Variants in DENND1A observed in about 807,000 individuals in gnomAD.
The protein encoded by DENND1A is DENN domain containing 1A.
Under a neutral mutation model 113.7 loss-of-function variants are expected in DENND1A, and 51 were observed. The observed-to-expected ratio is 0.45, with a 90% CI of 0.36 to 0.57. The LOEUF is 0.57. Among genes scored for constraint, DENND1A ranks in the 20% least tolerant of loss-of-function variants. DENND1A has a pLI of 0.00. For synonymous variants in DENND1A, 565 were observed against 570.8 expected (o/e 0.99, Z 0.14); for missense variants, 1,258 against 1,395.9 (o/e 0.90, Z 1.57).
chr9:123,751,448 T>C (rs1279749669), intron 5 of DENND1A: 3 of 152,176 alleles, frequency 2.0e-5, no homozygotes, highest in Non-Finnish European at 4.4e-5. Flanking sequence ...CCAGTCTAAA[T>C]CTGGGTGCTA....
chr9:123,432,132 G>A (rs2046179008), intron 19 of DENND1A, among the ~76,000 whole-genome samples: 1 of 152,194 alleles, frequency 6.6e-6, no homozygotes, highest in Non-Finnish European at 1.5e-5. Flanking sequence ...AGGAGGACAC[G>A]CTGAATGCCT....
At chr9:123,637,099 A>T (rs773538728) in intron 9 of DENND1A, among the ~76,000 whole-genome samples, 7 of 152,258 alleles carry the variant, frequency 4.6e-5, no homozygotes, top group Non-Finnish European at 1.0e-4. Flanking sequence ...GAAGACAATC[A>T]GATGGTCACA....
chr9:123,512,047 G>A (rs1350111726), intron 13 of DENND1A, among the ~76,000 whole-genome samples: 1 of 152,212 alleles, frequency 6.6e-6, no homozygotes, highest in East Asian at 1.9e-4. Flanking sequence ...AGGTCACCGT[G>A]TTCCTGGAAA....
intron 5 of DENND1A, among the ~76,000 whole-genome samples, chr9:123,706,615 C>G (rs1484434421): frequency 1.3e-5 from 2 of 150,490 alleles, no homozygotes; most frequent in African/African-American, 4.9e-5. Flanking sequence ...ACTAAAAATA[C>G]AAAAAATTAG....
intron 5 of DENND1A, among the ~76,000 whole-genome samples, chr9:123,731,998 T>C (rs2068211605): frequency 6.6e-6 from 1 of 152,054 alleles, no homozygotes; most frequent in South Asian, 2.1e-4. Context: ...AAAACGCAAA[T>C]TAAAAAATCA....
At chr9:123,834,033 C>A (rs768724127) in intron 2 of DENND1A, among the ~76,000 whole-genome samples, 3 of 151,910 alleles carry the variant, frequency 2.0e-5, no homozygotes, top group Non-Finnish European at 4.4e-5. Context: ...TCCAGCCTGG[C>A]GAAAGAGCAA....
chr9:123,461,124 T>A (rs2048490075), intron 13 of DENND1A, among the ~76,000 whole-genome samples: 2 of 152,174 alleles, frequency 1.3e-5, no homozygotes, highest in African/African-American at 4.8e-5. Flanking sequence ...ACACACCACA[T>A]CCTTCCTTCC....
chr9:123,469,038 C>T (rs1226935876), intron 13 of DENND1A, among the ~76,000 whole-genome samples: 17 of 152,206 alleles, frequency 1.1e-4, no homozygotes, highest in Admixed American at 1.0e-3. Context: ...CTCAGAGGGC[C>T]TGGGTTACCA....
At chr9:123,706,424 C>T (rs984207047) in intron 5 of DENND1A, among the ~76,000 whole-genome samples, 1 of 151,654 alleles carries the variant, frequency 6.6e-6, no homozygotes. Flanking sequence ...TATTTTTCAA[C>T]ATAAGATATG....
intron 11 of DENND1A, among the ~76,000 whole-genome samples, chr9:123,600,210 G>A (rs1387387412): frequency 6.6e-6 from 1 of 152,210 alleles, no homozygotes; most frequent in African/African-American, 2.4e-5. Flanking sequence ...TCAATCTTAG[G>A]TAGATAAGTC....
intron 5 of DENND1A, among the ~76,000 whole-genome samples, chr9:123,717,519 G>A (rs974238900): frequency 1.3e-5 from 2 of 152,250 alleles, no homozygotes; most frequent in East Asian, 1.9e-4. Context: ...AAAACCTAAC[G>A]TACTTCCTGT....
rs545423789 is a variant in DENND1A, at chr9:123,699,309, T to C, written c.303-22520A>G. On this transcript the variant is annotated intron_variant, in intron 5 of 23. Transcript: ENST00000394215. The stretch of plus-strand genomic sequence containing the variant: ...TCCTTCAGATGGAAAGCTGTGATGT[T>C]ATAAAAATATGTAAAAAGCAAATCC... Among the ~76,000 whole-genome samples, 50 of 152,316 alleles carry C rather than the reference T, an allele frequency of 3.3e-4. No homozygotes were observed. In the South Asian group the frequency reaches 5.6e-3, roughly 17 times the overall value.
At chr9:123,397,533 T>C (rs990632499) in intron 21 of DENND1A, among the ~76,000 whole-genome samples, 2 of 152,124 alleles carry the variant, frequency 1.3e-5, no homozygotes, top group African/African-American at 2.4e-5. Context: ...ATGAGGGCAA[T>C]AGTTAGGCAG....
At chr9:123,671,488 A>G in intron 6 of DENND1A, 117 bp from the exon 7 acceptor site, 1 of 936,364 alleles carries the variant, frequency 1.1e-6, no homozygotes. Context: ...GCCCCAGTAC[A>G]GAAATAGGTT....
chr9:123,499,885 T>C (rs921321033), intron 13 of DENND1A, among the ~76,000 whole-genome samples: 17 of 152,228 alleles, frequency 1.1e-4, no homozygotes, highest in African/African-American at 4.1e-4. Context: ...AAGCAGGATC[T>C]GGTCCTCTCC....
At chr9:123,655,680 G>A (rs977853215) in intron 8 of DENND1A, among the ~76,000 whole-genome samples, 3 of 152,186 alleles carry the variant, frequency 2.0e-5, no homozygotes, top group African/African-American at 2.4e-5. Flanking sequence ...TCACAGCCAG[G>A]CCAAGCATAT....
intron 5 of DENND1A, among the ~76,000 whole-genome samples, chr9:123,735,415 G>A (rs1048573825): frequency 6.6e-6 from 1 of 152,184 alleles, no homozygotes; most frequent in East Asian, 1.9e-4. Context: ...GGCAAGAGCT[G>A]GTAAGCAAAT....
chr9:123,666,624 G>A (rs188352719), intron 8 of DENND1A, among the ~76,000 whole-genome samples: 11 of 152,240 alleles, frequency 7.2e-5, no homozygotes, highest in African/African-American at 2.4e-4. Flanking sequence ...TACAGTGAGA[G>A]AATGGCTAAA....
intron 2 of DENND1A, among the ~76,000 whole-genome samples, chr9:123,844,500 A>C (rs551716777): frequency 1.9e-4 from 29 of 152,302 alleles, no homozygotes; most frequent in African/African-American, 5.8e-4. Context: ...AATAGGAATA[A>C]ATTTAACAAG....
Sources: gnomAD v4.1 joint callset for allele counts (sites outside exome capture counted in the v4.1 genomes callset) on GRCh38, gnomAD v4.1.1 for gene constraint, MANE v1.5 for transcripts, NCBI Gene and HGNC (gene_info 2026-07-23, HGNC 2026-07-21) for gene names.